RIC8B: variants seen among roughly 807,000 people sequenced by gnomAD.
The protein encoded by RIC8B is chaperone Ric-8B.
A neutral mutation model predicts 57.5 loss-of-function variants in RIC8B; 16 were observed. The observed-to-expected ratio is 0.28, with a 90% CI of 0.19 to 0.42. RIC8B has a LOEUF of 0.42. Among genes scored for constraint, RIC8B ranks in the 10% least tolerant of loss-of-function variants. The pLI, the probability that RIC8B is intolerant of heterozygous loss-of-function variation, is 1.00. For missense variants in RIC8B, 481 were observed against 677.0 expected, an observed-to-expected ratio of 0.71 and a Z score of 3.21; for synonymous variants, 216 against 250.8, an observed-to-expected ratio of 0.86 and a Z score of 1.31.
chr12:106,810,641 G>C (rs1157391695), intron 2 of RIC8B, among the ~76,000 whole-genome samples: 1 of 152,198 alleles, frequency 6.6e-6, no homozygotes, highest in Non-Finnish European at 1.5e-5. Flanking sequence ...CTGATGTGTA[G>C]AGGGAGGCTG....
At chr12:106,871,462 T>C (rs1456273892) in intron 9 of RIC8B, 1 of 116,716 alleles carries the variant, frequency 8.6e-6, no homozygotes. Flanking sequence ...TTGTATTAAT[T>C]AGGAGTTCTA....
intron 2 of RIC8B, among the ~76,000 whole-genome samples, chr12:106,804,359 C>T (rs994377479): frequency 1.7e-4 from 26 of 152,058 alleles, no homozygotes; most frequent in East Asian, 3.9e-4. Flanking sequence ...GGATTACAGG[C>T]GCCCACTACC....
chr12:106,806,694 G>A (rs1343631524), intron 2 of RIC8B, among the ~76,000 whole-genome samples: 3 of 152,096 alleles, frequency 2.0e-5, no homozygotes, highest in Admixed American at 1.3e-4. Context: ...GCTGGGCCTG[G>A]TGGTGCGCGC....
Position 106,801,013 on chromosome 12 carries a change from G to A in RIC8B, c.133-13683G>A, listed in dbSNP as rs568059549. On this transcript the variant is annotated intron_variant, in intron 2 of 9. Coordinates refer to ENST00000392837, the MANE Select transcript of RIC8B (RefSeq NM_001330145.2). ...TAAATGAGTATTGTTCTCTCATTTG[G>A]TAAATTCTAATTTGAAACAAATGAA... Among the ~76,000 whole-genome samples the A allele has an allele frequency of 2.0e-5, 3 of 152,258 alleles. No individual in the cohort carries two copies. The South Asian group carries it at 6.2e-4, about 32-fold the overall frequency.
At chr12:106,868,766 GACACACACAC>G (rs56293147) in intron 8 of RIC8B, among the ~76,000 whole-genome samples, 2,555 of 122,974 alleles carry the variant, frequency 0.021, 47 homozygotes, top group East Asian at 0.041. Flanking sequence ...AGGCACTCTA[GACACACACAC>G]ACACACACAC....
chr12:106,866,294 T>A (rs1170293080), intron 8 of RIC8B, among the ~76,000 whole-genome samples: 2 of 152,154 alleles, frequency 1.3e-5, no homozygotes, highest in African/African-American at 4.8e-5. Context: ...AGTCAGCCCC[T>A]CCTCAGCATT....
chr12:106,834,845 G>T (rs1224633843), intron 4 of RIC8B, among the ~76,000 whole-genome samples: 2 of 151,704 alleles, frequency 1.3e-5, no homozygotes, highest in Non-Finnish European at 2.9e-5. Flanking sequence ...TCAGCCAGGT[G>T]TGGTGGCGGG....
chr12:106,851,628 C>T (rs766953334), intron 7 of RIC8B, 34 bp downstream of exon 7: 1 of 1,587,278 alleles, frequency 6.3e-7, no homozygotes, highest in South Asian at 1.1e-5. Context: ...TGCCTTTTAT[C>T]TTTCAGAGGG....
intron 6 of RIC8B, among the ~76,000 whole-genome samples, chr12:106,848,062 T>C (rs1949287122): frequency 6.6e-6 from 1 of 152,004 alleles, no homozygotes; most frequent in African/African-American, 2.4e-5. Flanking sequence ...GTGGAGGTGT[T>C]GCAAAAAGAG....
Position 106,889,231 on chromosome 12 carries a change from C to G in RIC8B, c.*3216C>G, listed in dbSNP as rs1951309413. 2 of 152,058 alleles carry G rather than the reference C, an allele frequency of 1.3e-5. No homozygotes were observed. The highest frequency in any genetic ancestry group is 2.4e-5 in the African/African-American group (1 of 41,390). The allele number at this position is 152,058 out of a possible 1,614,324, so 9.4% of individuals were successfully genotyped here. A position where few individuals can be genotyped will look rare whatever the true frequency, so the allele number is the denominator to read the frequency against. ...ATTTATTTTACTACAAGATTGGGAT[C>G]ATGCTGTATTTACAGATTTGTATCC... On this transcript the variant is annotated 3_prime_UTR_variant, in exon 10 of 10. Coordinates refer to ENST00000392837, the MANE Select transcript of RIC8B (RefSeq NM_001330145.2).
intron 2 of RIC8B, among the ~76,000 whole-genome samples, 194 bp from the exon 3 acceptor site, chr12:106,814,502 T>A (rs1593180436): frequency 1.3e-5 from 2 of 152,340 alleles, no homozygotes; most frequent in Middle Eastern, 3.4e-3. Context: ...GGAACAGCTA[T>A]GATTCAAACT....
intron 9 of RIC8B, among the ~76,000 whole-genome samples, chr12:106,884,480 G>T (rs1306726307): frequency 6.6e-6 from 1 of 152,106 alleles, no homozygotes; most frequent in Non-Finnish European, 1.5e-5. Flanking sequence ...AAGTGACCTT[G>T]GATGAGTCAT....
intron 4 of RIC8B, among the ~76,000 whole-genome samples, chr12:106,829,027 A>G (rs1189251386): frequency 1.3e-5 from 2 of 152,226 alleles, no homozygotes; most frequent in Non-Finnish European, 1.5e-5. Context: ...CAGTTTTTTC[A>G]GAGAAGTCAA....
At chr12:106,785,813 CTG>C (rs61337359) in intron 2 of RIC8B, among the ~76,000 whole-genome samples, 47,129 of 123,068 alleles carry the variant, frequency 0.38, 9,311 homozygotes, top group East Asian at 0.54. Context: ...CTCTCTCTCT[CTG>C]TGTGTGTGTG....
chr12:106,886,126 T>C lies in RIC8B; in HGVS notation c.*111T>C, dbSNP rs559503873. The C allele has an allele frequency of 1.8e-5, 13 of 742,316 alleles. No individual in the cohort carries two copies. In the South Asian group the frequency reaches 2.2e-4, roughly 13 times the overall value. The allele number at this position is 742,316 out of a possible 1,614,324, so 46.0% of individuals were successfully genotyped here. A position where few individuals can be genotyped will look rare whatever the true frequency, so the allele number is the denominator to read the frequency against. ...TGCCCTTGCTTTGGCTAGAAACACA[T>C]TAACTGGTTTACTCATTGAGAATCC... On this transcript the variant is annotated 3_prime_UTR_variant, in exon 10 of 10. Transcript: ENST00000392837.
intron 2 of RIC8B, among the ~76,000 whole-genome samples, chr12:106,786,681 G>A (rs1327854237): frequency 6.6e-6 from 1 of 152,068 alleles, no homozygotes; most frequent in African/African-American, 2.4e-5. Context: ...GCAAAAGATT[G>A]GAAACAAGTG....
Position 106,814,618 on chromosome 12 carries a change from T to C in RIC8B, c.133-78T>C. ...CTCTGGATTTTTAACTGTTGTTAAG[T>C]ACATTGGCAGAGAAACATTCTGTGT... is the stretch of plus-strand genomic sequence containing the variant. On this transcript the variant is annotated intron_variant, in intron 2 of 9. Coordinates refer to ENST00000392837, the MANE Select transcript of RIC8B (RefSeq NM_001330145.2). 5.0e-6 allele frequency: 7 copies of C among 1,400,314 alleles called. No homozygotes were observed. In the South Asian group the frequency reaches 9.8e-5, roughly 20 times the overall value. The allele number at this position is 1,400,314 out of a possible 1,614,324, so 86.7% of individuals were successfully genotyped here. A position where few individuals can be genotyped will look rare whatever the true frequency, so the allele number is the denominator to read the frequency against.
At chr12:106,852,713 C>T (rs1949525337) in intron 7 of RIC8B, among the ~76,000 whole-genome samples, 1 of 152,174 alleles carries the variant, frequency 6.6e-6, no homozygotes, top group Admixed American at 6.5e-5. Flanking sequence ...AATTTGGGTC[C>T]TGTCTTTTCT....
chr12:106,851,982 C>T (rs910594549), intron 7 of RIC8B, among the ~76,000 whole-genome samples: 1 of 152,118 alleles, frequency 6.6e-6, no homozygotes, highest in African/African-American at 2.4e-5. Flanking sequence ...GGAATTAAAG[C>T]TATAGGAGTT....
Sources: allele counts gnomAD v4.1 joint callset (sites outside exome capture counted in the v4.1 genomes callset), GRCh38; gene constraint gnomAD v4.1.1; transcripts MANE v1.5; gene names NCBI Gene and HGNC (gene_info 2026-07-23, HGNC 2026-07-21).